The following OXR1 variants were observed in gnomAD, a reference collection of about 807,000 sequenced individuals.
OXR1 encodes the protein oxidation resistance 1.
OXR1 carries 41 observed loss-of-function variants against 104.6 expected under a neutral mutation model. That is an observed-to-expected ratio of 0.39 (90% confidence interval 0.31 to 0.51). The LOEUF (loss-of-function observed/expected upper bound fraction) is 0.51. Ranked by LOEUF, OXR1 falls within the 20% of genes least tolerant of loss-of-function variation. OXR1 has a pLI of 0.77. For synonymous variants in OXR1, 348 were observed against 348.4 expected (o/e 1.00, Z 0.01); for missense variants, 955 against 1,031.9 (o/e 0.93, Z 1.02).
intron 1 of OXR1, among the ~76,000 whole-genome samples, chr8:106,347,131 T>C (rs1379110919): frequency 6.6e-6 from 1 of 152,252 alleles, no homozygotes; most frequent in African/African-American, 2.4e-5. Flanking sequence ...CAAAGGCTTT[T>C]AGAGAATAGG....
intron 3 of OXR1, among the ~76,000 whole-genome samples, chr8:106,569,959 A>G (rs1817356416): frequency 6.6e-6 from 1 of 152,174 alleles, no homozygotes; most frequent in Admixed American, 6.5e-5. Flanking sequence ...AAATGCTTTT[A>G]AATAACCAGA....
At chr8:106,321,102 A>G (rs1015923581) in intron 1 of OXR1, among the ~76,000 whole-genome samples, 2 of 152,238 alleles carry the variant, frequency 1.3e-5, no homozygotes, top group Admixed American at 1.3e-4. Context: ...ATGTTTTTCA[A>G]ATCTATTATA....
intron 1 of OXR1, among the ~76,000 whole-genome samples, chr8:106,287,656 C>CAAA (rs11312139): frequency 6.8e-6 from 1 of 146,514 alleles, no homozygotes; most frequent in African/African-American, 2.5e-5. Flanking sequence ...CATCCCATTT[C>CAAA]AAAAAAAAAA....
At chr8:106,453,011 C>T (rs966375552) in intron 2 of OXR1, among the ~76,000 whole-genome samples, 2 of 152,118 alleles carry the variant, frequency 1.3e-5, no homozygotes, top group African/African-American at 2.4e-5. Context: ...GTGCTCTGCT[C>T]TTTCTCACCT....
At chr8:106,273,690 A>G (rs1811909462) in intron 1 of OXR1, among the ~76,000 whole-genome samples, 1 of 152,270 alleles carries the variant, frequency 6.6e-6, no homozygotes, top group Non-Finnish European at 1.5e-5. Flanking sequence ...AATCAAGAGT[A>G]GTTAATAAGA....
chr8:106,454,070 T>C (rs944514512), intron 2 of OXR1, among the ~76,000 whole-genome samples: 1 of 152,184 alleles, frequency 6.6e-6, no homozygotes, highest in Non-Finnish European at 1.5e-5. Context: ...ATAAGAAAAA[T>C]ACATTGGTTA....
At chr8:106,701,764 C>T (rs1830600683) in intron 7 of OXR1, among the ~76,000 whole-genome samples, 1 of 152,104 alleles carries the variant, frequency 6.6e-6, no homozygotes, top group African/African-American at 2.4e-5. Context: ...CCATTAGTTT[C>T]TCTATCAGTA....
chr8:106,492,450 G>T (rs180685691), intron 2 of OXR1, among the ~76,000 whole-genome samples: 1 of 152,200 alleles, frequency 6.6e-6, no homozygotes, highest in Non-Finnish European at 1.5e-5. Context: ...TAAATTCTCA[G>T]TGTGTTCACT....
intron 3 of OXR1, among the ~76,000 whole-genome samples, chr8:106,634,782 A>G (rs1250624662): frequency 6.6e-6 from 1 of 152,020 alleles, no homozygotes; most frequent in Non-Finnish European, 1.5e-5. Flanking sequence ...GGAAGCAAAC[A>G]TGCAAATCTA....
At chr8:106,283,971 G>T (rs1157195212) in intron 1 of OXR1, among the ~76,000 whole-genome samples, 1 of 151,988 alleles carries the variant, frequency 6.6e-6, no homozygotes, top group African/African-American at 2.4e-5. Context: ...TAGGTTGCAT[G>T]AAACTTTTTT....
chr8:106,730,990 A>G (rs765516724), intron 11 of OXR1, among the ~76,000 whole-genome samples: 7 of 152,214 alleles, frequency 4.6e-5, no homozygotes, highest in Non-Finnish European at 7.3e-5. Flanking sequence ...CATCCACAAC[A>G]AATGAGAATT....
chr8:106,615,640 T>A (rs1343970511), intron 3 of OXR1, among the ~76,000 whole-genome samples: 1 of 150,846 alleles, frequency 6.6e-6, no homozygotes, highest in African/African-American at 2.4e-5. Context: ...AAAATGCCAA[T>A]TCATTCTTGC....
Position 106,466,373 on chromosome 8 carries a change from G to A in OXR1, c.24-52570G>A, listed in dbSNP as rs563177538. On this transcript the variant is annotated intron_variant, in intron 2 of 16. Transcript: ENST00000517566. ...CTTTTTTTGTGGGGAGAGTGTGGCA[G>A]ACAAGAGGGACTTCTTTTTCAATGC... 5.9e-5 allele frequency among the ~76,000 whole-genome samples: 9 copies of A among 151,888 alleles called. No individual in the cohort carries two copies. In the South Asian group the frequency reaches 1.2e-3, roughly 21 times the overall value.
intron 6 of OXR1, among the ~76,000 whole-genome samples, chr8:106,691,489 A>C (rs950541494): frequency 6.6e-6 from 1 of 151,816 alleles, no homozygotes; most frequent in Admixed American, 6.6e-5. Context: ...TTTTAAAAGA[A>C]TTACATTGAC....
At chr8:106,542,547 C>T (rs932835271) in intron 3 of OXR1, among the ~76,000 whole-genome samples, 1 of 152,084 alleles carries the variant, frequency 6.6e-6, no homozygotes, top group African/African-American at 2.4e-5. Flanking sequence ...ATGCATATAT[C>T]ACATATATGC....
chr8:106,444,238 G>T (rs1411698962), intron 2 of OXR1, among the ~76,000 whole-genome samples: 1 of 152,176 alleles, frequency 6.6e-6, no homozygotes, highest in Non-Finnish European at 1.5e-5. Flanking sequence ...TACACTGTTG[G>T]TGAGAATGTA....
At chr8:106,368,382 G>A (rs1418008156) in intron 2 of OXR1, among the ~76,000 whole-genome samples, 1 of 152,022 alleles carries the variant, frequency 6.6e-6, no homozygotes, top group African/African-American at 2.4e-5. Context: ...GACATGGTAT[G>A]TGTTTTGTTT....
At chr8:106,297,817 A>G (rs770814983) in intron 1 of OXR1, among the ~76,000 whole-genome samples, 1 of 152,216 alleles carries the variant, frequency 6.6e-6, no homozygotes, top group Non-Finnish European at 1.5e-5. Flanking sequence ...CTCTTTGCCT[A>G]AGAACACCTT....
At chr8:106,682,307 C>T (rs1256688343) in intron 4 of OXR1, among the ~76,000 whole-genome samples, 4 of 136,912 alleles carry the variant, frequency 2.9e-5, no homozygotes, top group East Asian at 2.1e-4. Flanking sequence ...CTCGCCCTGT[C>T]GCCCAGACTG....
Sources: gnomAD v4.1 joint callset for allele counts (sites outside exome capture counted in the v4.1 genomes callset) on GRCh38, gnomAD v4.1.1 for gene constraint, MANE v1.5 for transcripts, NCBI Gene and HGNC (gene_info 2026-07-23, HGNC 2026-07-21) for gene names.